Variants in ZNG1A observed in about 807,000 individuals in gnomAD.
ZNG1A encodes the protein Zn regulated GTPase metalloprotein activator 1A, also known as zinc-regulated GTPase metalloprotein activator 1A.
chr9:166,816 A>G, the ZNG1A span: 2 of 152,140 alleles, frequency 1.3e-5, no homozygotes, highest in African/African-American at 4.8e-5. Flanking sequence ...AAGGCTTCAG[A>G]TGATCACAGT....
chr9:174,879 G>A, the ZNG1A span, among the ~76,000 whole-genome samples: 1 of 150,308 alleles, frequency 6.7e-6, no homozygotes, highest in Non-Finnish European at 1.5e-5. Flanking sequence ...TTTCAGTTGA[G>A]AAGTTAAGCA....
At chr9:165,546 G>A in the ZNG1A span, among the ~76,000 whole-genome samples, 3 of 136,340 alleles carry the variant, frequency 2.2e-5, no homozygotes, top group Admixed American at 2.1e-4. Context: ...AAATCAGGGT[G>A]CTTTTCTCCC....
the ZNG1A span, among the ~76,000 whole-genome samples, chr9:126,740 G>A: frequency 6.6e-6 from 1 of 151,548 alleles, no homozygotes; most frequent in Non-Finnish European, 1.5e-5. Flanking sequence ...TTCTTCTGCT[G>A]GGTTTGTTCT....
the ZNG1A span, among the ~76,000 whole-genome samples, chr9:135,267 A>C: frequency 6.7e-6 from 1 of 150,374 alleles, no homozygotes; most frequent in Non-Finnish European, 1.5e-5. Context: ...GCACAGAATA[A>C]AGAGAAAAAC....
At chr9:152,407 AG>A in the ZNG1A span, among the ~76,000 whole-genome samples, 1 of 152,312 alleles carries the variant, frequency 6.6e-6, no homozygotes, top group South Asian at 2.1e-4. Context: ...CAGTTATCCT[AG>A]TGTTCTTAAA....
the ZNG1A span, among the ~76,000 whole-genome samples, chr9:174,859 C>T: frequency 5.3e-5 from 8 of 150,476 alleles, no homozygotes; most frequent in Non-Finnish European, 8.8e-5. Context: ...TTTTTGACTA[C>T]AGTTTAATAT....
At chr9:167,024 A>T in the ZNG1A span, 2 of 152,088 alleles carry the variant, frequency 1.3e-5, no homozygotes, top group African/African-American at 4.8e-5. Context: ...AATGATTATA[A>T]GTGACACTTA....
chr9:138,286 T>C, the ZNG1A span, among the ~76,000 whole-genome samples: 2 of 150,628 alleles, frequency 1.3e-5, no homozygotes, highest in Non-Finnish European at 3.0e-5. Flanking sequence ...CACTGACAAG[T>C]TTACTCTCTG....
At chr9:140,112 G>C in the ZNG1A span, among the ~76,000 whole-genome samples, 10 of 150,818 alleles carry the variant, frequency 6.6e-5, no homozygotes, top group Non-Finnish European at 1.2e-4. Context: ...GCCCAGGCTT[G>C]ATTAGGTAAA....
the ZNG1A span, among the ~76,000 whole-genome samples, chr9:158,487 A>G: frequency 5.3e-5 from 8 of 150,562 alleles, no homozygotes; most frequent in Admixed American, 3.3e-4. Flanking sequence ...TTATTTGGCT[A>G]TGAGTTTGTG....
the ZNG1A span, among the ~76,000 whole-genome samples, chr9:165,321 C>A: frequency 1.3e-5 from 2 of 150,806 alleles, no homozygotes; most frequent in Non-Finnish European, 2.9e-5. Flanking sequence ...TTTAAAAATT[C>A]ATTGATTTTT....
the ZNG1A span, among the ~76,000 whole-genome samples, chr9:139,786 C>T: frequency 1.3e-5 from 2 of 151,442 alleles, no homozygotes; most frequent in African/African-American, 4.9e-5. Context: ...AGACAGTGGG[C>T]GCAGGTCAGT....
chr9:146,114 A>C, the ZNG1A span: 66 of 1,565,354 alleles, frequency 4.2e-5, no homozygotes, highest in Non-Finnish European at 5.2e-5. Flanking sequence ...TATTCCAGAG[A>C]GACTATCAAA....
At chr9:177,950 C>A in the ZNG1A span, 7 of 1,031,916 alleles carry the variant, frequency 6.8e-6, no homozygotes, top group Admixed American at 2.3e-5. Context: ...CATAAAAGGT[C>A]ACGAAGTGGC....
chr9:170,592 G>A, the ZNG1A span, among the ~76,000 whole-genome samples: 1 of 149,392 alleles, frequency 6.7e-6, no homozygotes, highest in African/African-American at 2.5e-5. Context: ...CACCATGTTG[G>A]CTAGGCTGGT....
chr9:157,542 G>A, the ZNG1A span, among the ~76,000 whole-genome samples: 1 of 138,278 alleles, frequency 7.2e-6, no homozygotes, highest in African/African-American at 2.8e-5. Flanking sequence ...TTCTCATTTA[G>A]CTTTCATAAT....
the ZNG1A span, chr9:146,254 T>A: frequency 4.7e-6 from 7 of 1,476,576 alleles, no homozygotes; most frequent in Admixed American, 1.8e-5. Context: ...ATTTTATACA[T>A]AAAATTCATA....
chr9:172,421 G>A, the ZNG1A span: 1 of 378,102 alleles, frequency 2.6e-6, no homozygotes, highest in Non-Finnish European at 4.8e-6. Context: ...AAAAGCAGAG[G>A]AAACTTTATC....
the ZNG1A span, among the ~76,000 whole-genome samples, chr9:156,730 C>G: frequency 6.7e-6 from 1 of 149,930 alleles, no homozygotes; most frequent in Non-Finnish European, 1.5e-5. Context: ...TACAAGTGAA[C>G]CTGTGGGGTT....
Sources: allele counts gnomAD v4.1 joint callset (sites outside exome capture counted in the v4.1 genomes callset), GRCh38; gene constraint gnomAD v4.1.1; transcripts MANE v1.5; gene names NCBI Gene and HGNC (gene_info 2026-07-23, HGNC 2026-07-21).